VPS50: variants seen among roughly 807,000 people sequenced by gnomAD.
The protein encoded by VPS50 is syndetin.
VPS50 carries 70 observed loss-of-function variants against 139.7 expected under a neutral mutation model. The ratio of observed to expected loss-of-function variants is 0.50; its 90% CI spans 0.41 to 0.61. The LOEUF (loss-of-function observed/expected upper bound fraction) is 0.61, where lower values mean the gene tolerates loss of function less well. Among genes scored for constraint, VPS50 ranks in the 20% least tolerant of loss-of-function variants. The pLI, the probability that VPS50 is intolerant of heterozygous loss-of-function variation, is 0.00. For missense variants in VPS50, 921 were observed against 1,133.7 expected (o/e 0.81, Z 2.69); for synonymous variants, 365 against 376.7 (o/e 0.97, Z 0.36).
chr7:93,279,709 C>G (rs1015500267), intron 12 of VPS50, among the ~76,000 whole-genome samples: 12 of 152,156 alleles, frequency 7.9e-5, no homozygotes, highest in African/African-American at 2.9e-4. Flanking sequence ...AAGAAAGAGT[C>G]TAGGCATTTT....
At chr7:93,335,949 A>G (rs1056969645) in intron 22 of VPS50, among the ~76,000 whole-genome samples, 3 of 152,182 alleles carry the variant, frequency 2.0e-5, no homozygotes, top group Admixed American at 2.0e-4. Context: ...ACTGATAAAC[A>G]TTGGTTTGTT....
At chr7:93,300,915 C>G (rs968887694) in intron 16 of VPS50, among the ~76,000 whole-genome samples, 3 of 151,868 alleles carry the variant, frequency 2.0e-5, no homozygotes, top group Admixed American at 6.6e-5. Flanking sequence ...TGGGTTTAAA[C>G]CTATTAATAA....
intron 21 of VPS50, among the ~76,000 whole-genome samples, chr7:93,329,464 C>T (rs968568141): frequency 3.3e-5 from 5 of 151,558 alleles, no homozygotes; most frequent in African/African-American, 9.7e-5. Context: ...GATTATATCA[C>T]ATGGTAAAAC....
chr7:93,278,744 T>C (rs1796236463), intron 12 of VPS50, among the ~76,000 whole-genome samples: 1 of 151,562 alleles, frequency 6.6e-6, no homozygotes, highest in African/African-American at 2.4e-5. Flanking sequence ...CTTCTGGTAC[T>C]TTATTATAAA....
intron 2 of VPS50, among the ~76,000 whole-genome samples, chr7:93,244,139 G>GATAT (rs1046125010): frequency 6.6e-6 from 1 of 151,618 alleles, no homozygotes; most frequent in African/African-American, 2.4e-5. Flanking sequence ...GTCAACATTT[G>GATAT]ATAATATAAT....
intron 1 of VPS50, among the ~76,000 whole-genome samples, chr7:93,233,965 A>G (rs1794720847): frequency 6.6e-6 from 1 of 152,244 alleles, no homozygotes; most frequent in Non-Finnish European, 1.5e-5. Context: ...GGCTATGTTG[A>G]TGGTGGGAAA....
At chr7:93,317,490 A>G (rs927602091) in intron 20 of VPS50, among the ~76,000 whole-genome samples, 1 of 151,988 alleles carries the variant, frequency 6.6e-6, no homozygotes, top group Non-Finnish European at 1.5e-5. Flanking sequence ...GCAGCAAGCC[A>G]AGGTTGCAGC....
intron 9 of VPS50, 86 bp from the exon 10 acceptor site, chr7:93,271,134 G>A (rs759241361): frequency 1.3e-6 from 2 of 1,493,602 alleles, no homozygotes; most frequent in Non-Finnish European, 1.8e-6. Flanking sequence ...TTGAATTTAT[G>A]GATTAATTAT....
chr7:93,261,544 G>A (rs1212567419), intron 9 of VPS50, among the ~76,000 whole-genome samples: 1 of 151,774 alleles, frequency 6.6e-6, no homozygotes, highest in Non-Finnish European at 1.5e-5. Context: ...CGGGCCTGGT[G>A]GCGGGCGCCT....
chr7:93,291,704 A>G lies in VPS50; in HGVS notation c.944A>G (p.His315Arg). The change falls in exon 13 of 28, where the codon CAT becomes CGT. Residue 315 changes from histidine to arginine, a missense_variant and splice_region_variant. By Grantham distance (29) the His-to-Arg change is conservative. This residue lies in a region of VPS50 where 744 missense variants were observed against 930.6 expected (regional missense o/e 0.80). Coordinates refer to ENST00000305866, the MANE Select transcript of VPS50 (RefSeq NM_017667.4). Reference sequence around the variant, plus strand: ...GTTGTCTCTTATCATTTTCTTTAGCATGTTACACCAGACAGCTATATTCCA... The same window carrying G: ...GTTGTCTCTTATCATTTTCTTTAGCGTGTTACACCAGACAGCTATATTCCA... ...QKLQYKDLCT[H>R]VTPDSYIPCL... is the part of the protein sequence containing the mutation. The G allele has an allele frequency of 2.0e-6, 3 of 1,499,690 alleles. No individual in the cohort carries two copies. Among genetic ancestry groups the G allele is most frequent in the Non-Finnish European group, 2.7e-6 (3 of 1,118,850 alleles). The allele number at this position is 1,499,690 out of a possible 1,614,324, so 92.9% of individuals were successfully genotyped here.
intron 20 of VPS50, among the ~76,000 whole-genome samples, chr7:93,315,959 T>TA (rs1187399998): frequency 6.6e-6 from 1 of 151,536 alleles, no homozygotes; most frequent in Non-Finnish European, 1.5e-5. Flanking sequence ...AAATACAAAA[T>TA]AAAAAAATTT....
chr7:93,350,938 C>T (rs879411473), intron 25 of VPS50, among the ~76,000 whole-genome samples: 10 of 152,172 alleles, frequency 6.6e-5, no homozygotes, highest in South Asian at 2.1e-4. Flanking sequence ...ACTTTAATCT[C>T]ATTTACACAA....
intron 22 of VPS50, 152 bp from the exon 23 acceptor site, chr7:93,341,275 C>G (rs1478479797): frequency 1.8e-6 from 1 of 561,812 alleles, no homozygotes; most frequent in Non-Finnish European, 3.1e-6. Context: ...CCAATAGTTA[C>G]AAACATGAAA....
intron 21 of VPS50, among the ~76,000 whole-genome samples, chr7:93,329,373 G>A (rs1797870944): frequency 6.6e-6 from 1 of 151,842 alleles, no homozygotes; most frequent in African/African-American, 2.4e-5. Context: ...AAGAATATGT[G>A]AACTTAAAGA....
chr7:93,238,072 G>A (rs767197188), intron 1 of VPS50, among the ~76,000 whole-genome samples: 9 of 152,266 alleles, frequency 5.9e-5, no homozygotes, highest in Admixed American at 3.3e-4. Flanking sequence ...TTTAGGGGTG[G>A]TCATGATTTT....
chr7:93,240,035 C>T, intron 2 of VPS50, 101 bp downstream of exon 2: 1 of 736,624 alleles, frequency 1.4e-6, no homozygotes, highest in East Asian at 2.6e-5. Context: ...TTCCCACAGG[C>T]AGATGGTTGT....
chr7:93,253,208 T>G (rs1204166995), intron 3 of VPS50, among the ~76,000 whole-genome samples: 1 of 152,214 alleles, frequency 6.6e-6, no homozygotes, highest in Non-Finnish European at 1.5e-5. Flanking sequence ...ATAGTGAAAT[T>G]TAGTCTTAGA....
intron 22 of VPS50, among the ~76,000 whole-genome samples, chr7:93,337,877 G>C (rs1436323072): frequency 6.6e-6 from 1 of 152,050 alleles, no homozygotes; most frequent in African/African-American, 2.4e-5. Flanking sequence ...AAGCAGCCCT[G>C]CTTGCCTTAA....
rs758781673 is a variant in VPS50, at chr7:93,282,872, G to C, written c.942+6567G>C. Among the ~76,000 whole-genome samples, 9 of 152,294 alleles carry C rather than the reference G, an allele frequency of 5.9e-5. No individual in the cohort carries two copies. The East Asian group carries it at 7.7e-4, about 13-fold the overall frequency. On this transcript the variant is annotated intron_variant, in intron 12 of 27. Coordinates refer to ENST00000305866, the MANE Select transcript of VPS50 (RefSeq NM_017667.4). ...AGTTTCAGAATGAACTAAGAATTCA[G>C]CTGTCAGATTTATTCTTATCACATA...
Sources: gnomAD v4.1 joint callset for allele counts (sites outside exome capture counted in the v4.1 genomes callset) on GRCh38, gnomAD v4.1.1 for gene constraint, gnomAD v4.1.1 regional missense constraint, MANE v1.5 for transcripts, NCBI Gene and HGNC (gene_info 2026-07-23, HGNC 2026-07-21) for gene names.